OPCML: variants seen among roughly 807,000 people sequenced by gnomAD.
OPCML encodes opioid binding protein/cell adhesion molecule like.
Under a neutral mutation model 37.8 loss-of-function variants are expected in OPCML, and 13 were observed. That is an observed-to-expected ratio of 0.34 (90% CI 0.22 to 0.55). The LOEUF is 0.55. Ranked by LOEUF, OPCML falls within the 20% of genes least tolerant of loss-of-function variation. The probability of loss-of-function intolerance (pLI) is 0.91; values close to 1 mark genes in which losing one functional copy is unlikely to be tolerated. For missense variants in OPCML, 341 were observed against 435.6 expected (o/e 0.78, Z 1.93); for synonymous variants, 176 against 168.8 (o/e 1.04, Z -0.33).
At chr11:133,419,775 C>A (rs1945845592) in intron 1 of OPCML, among the ~76,000 whole-genome samples, 1 of 152,158 alleles carries the variant, frequency 6.6e-6, no homozygotes, top group African/African-American at 2.4e-5. Context: ...TTAAACTTAA[C>A]ATTCTATCAT....
intron 2 of OPCML, among the ~76,000 whole-genome samples, chr11:132,903,652 G>A (rs1944138089): frequency 6.6e-6 from 1 of 151,892 alleles, no homozygotes; most frequent in African/African-American, 2.4e-5. Context: ...TAAATAAATA[G>A]AAAAATAAAT....
At chr11:133,474,138 C>A (rs954995890) in intron 1 of OPCML, among the ~76,000 whole-genome samples, 8 of 152,146 alleles carry the variant, frequency 5.3e-5, no homozygotes, top group Admixed American at 3.9e-4. Flanking sequence ...GTCTTGTTAT[C>A]ATACATAGTT....
chr11:133,346,610 A>T (rs1342790794), intron 1 of OPCML, among the ~76,000 whole-genome samples: 1 of 152,242 alleles, frequency 6.6e-6, no homozygotes, highest in Non-Finnish European at 1.5e-5. Flanking sequence ...AATAGCCAGC[A>T]TAGATTAGAC....
intron 1 of OPCML, among the ~76,000 whole-genome samples, chr11:133,351,026 T>C (rs1198897772): frequency 1.3e-5 from 2 of 152,136 alleles, no homozygotes; most frequent in Admixed American, 6.6e-5. Context: ...AAAATTAAAA[T>C]AGGAGTATAC....
At chr11:132,775,590 G>A (rs80015128) in intron 2 of OPCML, among the ~76,000 whole-genome samples, 3,417 of 152,240 alleles carry the variant, frequency 0.022, 92 homozygotes, top group African/African-American at 0.066. Context: ...GCTGCCTGTC[G>A]ATTGCCACTG....
intron 1 of OPCML, among the ~76,000 whole-genome samples, chr11:133,128,930 C>G (rs960659953): frequency 6.6e-6 from 1 of 152,082 alleles, no homozygotes; most frequent in Non-Finnish European, 1.5e-5. Flanking sequence ...GCCCTCCTAC[C>G]TGAAACAATA....
intron 2 of OPCML, among the ~76,000 whole-genome samples, chr11:132,796,626 T>G (rs924739598): frequency 7.0e-6 from 1 of 142,262 alleles, no homozygotes; most frequent in African/African-American, 2.6e-5. Context: ...CAGTCTGGAG[T>G]GCAGTGGCAC....
At chr11:132,657,978 G>A (rs986556581) in intron 2 of OPCML, among the ~76,000 whole-genome samples, 4 of 152,172 alleles carry the variant, frequency 2.6e-5, no homozygotes, top group African/African-American at 7.2e-5. Flanking sequence ...GTCCCATTGG[G>A]AGACAGAACA....
chr11:133,521,164 G>A (rs1225807681), intron 1 of OPCML, among the ~76,000 whole-genome samples: 4 of 152,152 alleles, frequency 2.6e-5, no homozygotes, highest in African/African-American at 7.2e-5. Flanking sequence ...TGTGTCCATC[G>A]GGCTCCTCTC....
Position 132,676,278 on chromosome 11 carries a change from T to C in OPCML, c.147-18959A>G, listed in dbSNP as rs192305649. ...AGCTGGAACTCTGTTTCATATCACATACAAAAAATAACTCAATATGTATCA... is the reference window on the plus strand; with the variant it reads ...AGCTGGAACTCTGTTTCATATCACACACAAAAAATAACTCAATATGTATCA... On this transcript the variant is annotated intron_variant, in intron 2 of 7. Coordinates refer to ENST00000524381, the MANE Select transcript of OPCML (RefSeq NM_001012393.5). Among the ~76,000 whole-genome samples the C allele has an allele frequency of 3.4e-3, 521 of 152,170 alleles. 1 individual carries two copies. Among genetic ancestry groups the C allele is most frequent in the Admixed American group, 5.8e-3 (89 of 15,288 alleles).
At chr11:133,260,755 C>A (rs149362865) in intron 1 of OPCML, among the ~76,000 whole-genome samples, 1 of 152,308 alleles carries the variant, frequency 6.6e-6, no homozygotes, top group Non-Finnish European at 1.5e-5. Flanking sequence ...GAGCTGATGG[C>A]TAGAGCCAGA....
chr11:132,803,518 G>T (rs1938810094), intron 2 of OPCML, among the ~76,000 whole-genome samples: 1 of 152,130 alleles, frequency 6.6e-6, no homozygotes, highest in African/African-American at 2.4e-5. Context: ...AAACCTCCTG[G>T]TGGAATGAGG....
intron 1 of OPCML, among the ~76,000 whole-genome samples, chr11:133,366,246 G>A (rs1487501478): frequency 6.6e-6 from 1 of 152,188 alleles, no homozygotes; most frequent in Admixed American, 6.5e-5. Context: ...ATCCTGCTGT[G>A]AGAGTCTGAT....
At chr11:132,538,302 C>T (rs977451347) in intron 3 of OPCML, among the ~76,000 whole-genome samples, 1 of 152,092 alleles carries the variant, frequency 6.6e-6, no homozygotes, top group African/African-American at 2.4e-5. Flanking sequence ...AGAAGCGAAA[C>T]ACAAAAGACC....
chr11:133,195,863 T>A lies in OPCML; in HGVS notation c.62-252853A>T, dbSNP rs75358725. Among the ~76,000 whole-genome samples, 1,350 of 152,306 alleles carry A rather than the reference T, an allele frequency of 8.9e-3. 21 individuals are homozygous for A. Among genetic ancestry groups the A allele is most frequent in the African/African-American group, 0.031 (1,269 of 41,554 alleles). ...ATGAATATCTGTCACATGAATGATA[T>A]ATATTGCCATACTAAACCAACAATG... is the stretch of plus-strand genomic sequence containing the variant. On this transcript the variant is annotated intron_variant, in intron 1 of 7. Coordinates refer to ENST00000524381, the MANE Select transcript of OPCML (RefSeq NM_001012393.5).
At chr11:132,850,514 A>AC (rs1314851672) in intron 2 of OPCML, among the ~76,000 whole-genome samples, 1 of 131,500 alleles carries the variant, frequency 7.6e-6, no homozygotes, top group African/African-American at 2.9e-5. Context: ...CACTGTGGAA[A>AC]GGGTGTGTGT....
At chr11:133,493,829 G>A (rs1321925639) in intron 1 of OPCML, among the ~76,000 whole-genome samples, 2 of 152,022 alleles carry the variant, frequency 1.3e-5, no homozygotes, top group Admixed American at 1.3e-4. Context: ...ATGGTTTTAG[G>A]TCTAACGTTT....
At chr11:132,469,205 G>A (rs1301531157) in intron 4 of OPCML, among the ~76,000 whole-genome samples, 1 of 152,148 alleles carries the variant, frequency 6.6e-6, no homozygotes, top group Admixed American at 6.5e-5. Flanking sequence ...GGAGTTGGAA[G>A]CAAAAAGAAA....
intron 4 of OPCML, among the ~76,000 whole-genome samples, chr11:132,483,320 C>T (rs1328590563): frequency 2.6e-5 from 4 of 151,412 alleles, no homozygotes; most frequent in African/African-American, 4.9e-5. Context: ...TTCACAATTG[C>T]TTGAAAGAGA....
Sources: gnomAD v4.1 joint callset for allele counts (sites outside exome capture counted in the v4.1 genomes callset) on GRCh38, gnomAD v4.1.1 for gene constraint, MANE v1.5 for transcripts, NCBI Gene and HGNC (gene_info 2026-07-23, HGNC 2026-07-21) for gene names.